Variants in SCAPER observed in about 807,000 individuals in gnomAD.
SCAPER encodes the protein S phase cyclin A-associated protein in the endoplasmic reticulum.
Under a neutral mutation model 182.2 loss-of-function variants are expected in SCAPER, and 98 were observed. The observed-to-expected ratio is 0.54, with a 90% confidence interval of 0.46 to 0.64. SCAPER has a LOEUF of 0.64. SCAPER is among the 30% of genes least tolerant of loss of function. SCAPER has a pLI of 0.00. For missense variants in SCAPER, 1,432 were observed against 1,690.0 expected (o/e 0.85, Z 2.68); for synonymous variants, 605 against 564.6 (o/e 1.07, Z -1.01).
chr15:76,827,016 C>CT (rs532924910), intron 5 of SCAPER, among the ~76,000 whole-genome samples: 115 of 152,008 alleles, frequency 7.6e-4, no homozygotes, highest in South Asian at 1.9e-3. Context: ...GATTTTCATT[C>CT]TTTTTTTTCT....
At chr15:76,615,556 C>T (rs977197780) in intron 22 of SCAPER, among the ~76,000 whole-genome samples, 2 of 151,348 alleles carry the variant, frequency 1.3e-5, no homozygotes, top group African/African-American at 2.4e-5. Flanking sequence ...CACGGTGGCT[C>T]ACACCTGTAA....
intron 26 of SCAPER, among the ~76,000 whole-genome samples, chr15:76,407,005 G>A (rs1357866449): frequency 1.3e-5 from 2 of 152,146 alleles, no homozygotes; most frequent in African/African-American, 2.4e-5. Context: ...TAACTCTGGG[G>A]GTGCTGGTAG....
chr15:76,787,016 T>C (rs991520550), intron 8 of SCAPER, among the ~76,000 whole-genome samples: 3 of 152,214 alleles, frequency 2.0e-5, no homozygotes, highest in Non-Finnish European at 2.9e-5. Context: ...TCCATGTTCA[T>C]AGGCTGCAAG....
intron 26 of SCAPER, among the ~76,000 whole-genome samples, chr15:76,425,451 C>A (rs774664321): frequency 2.6e-5 from 4 of 152,168 alleles, no homozygotes; most frequent in African/African-American, 4.8e-5. Flanking sequence ...TCTCGTGCCA[C>A]GGTTTTCAGC....
At chr15:76,792,346 G>A (rs2065054002) in intron 8 of SCAPER, among the ~76,000 whole-genome samples, 1 of 152,076 alleles carries the variant, frequency 6.6e-6, no homozygotes, top group Non-Finnish European at 1.5e-5. Flanking sequence ...CTATAATTGA[G>A]TGAGTCACTG....
At chr15:76,885,051 A>G (rs2073768288) in intron 1 of SCAPER, among the ~76,000 whole-genome samples, 1 of 152,204 alleles carries the variant, frequency 6.6e-6, no homozygotes, top group Non-Finnish European at 1.5e-5. Flanking sequence ...TAATAAGCAC[A>G]CGGTTTCTTT....
chr15:76,833,433 G>A (rs1040063277), intron 5 of SCAPER, among the ~76,000 whole-genome samples: 1 of 151,964 alleles, frequency 6.6e-6, no homozygotes, highest in East Asian at 1.9e-4. Flanking sequence ...CCACTGACAC[G>A]AAAAAGCAAC....
intron 25 of SCAPER, among the ~76,000 whole-genome samples, chr15:76,434,586 A>ATACATATAATACATATAAAAT (rs1418687106): frequency 6.6e-6 from 1 of 152,232 alleles, no homozygotes; most frequent in Non-Finnish European, 1.5e-5. Context: ...TTATTAAATG[A>ATACATATAATACATATAAAAT]GCTGATACAT....
chr15:76,770,595 C>T (rs547125974), intron 10 of SCAPER, among the ~76,000 whole-genome samples: 1 of 152,042 alleles, frequency 6.6e-6, no homozygotes, highest in African/African-American at 2.4e-5. Context: ...GGGTTTATGA[C>T]TCTGCAAGTT....
intron 16 of SCAPER, among the ~76,000 whole-genome samples, chr15:76,729,816 A>G (rs938962568): frequency 6.6e-6 from 1 of 152,192 alleles, no homozygotes; most frequent in Non-Finnish European, 1.5e-5. Context: ...AAGCCAGAAG[A>G]TAAATCATGA....
At chr15:76,694,860 T>C in intron 20 of SCAPER, among the ~76,000 whole-genome samples, 1 of 152,086 alleles carries the variant, frequency 6.6e-6, no homozygotes, top group Middle Eastern at 3.2e-3. Flanking sequence ...GACAAGCTAT[T>C]AATGTAACAT....
At chr15:76,510,540 A>G (rs2041937837) in intron 23 of SCAPER, among the ~76,000 whole-genome samples, 1 of 152,222 alleles carries the variant, frequency 6.6e-6, no homozygotes, top group Non-Finnish European at 1.5e-5. Context: ...CAAAACCACA[A>G]TGTGATACCA....
intron 24 of SCAPER, among the ~76,000 whole-genome samples, chr15:76,499,735 A>ACAGATCAACTTTAGGG (rs1381728999): frequency 1.3e-5 from 2 of 152,188 alleles, no homozygotes; most frequent in African/African-American, 4.8e-5. Context: ...CAAATGTTCT[A>ACAGATCAACTTTAGGG]CAGATCAACT....
At chr15:76,595,937 G>A (rs145422113) in intron 22 of SCAPER, among the ~76,000 whole-genome samples, 4 of 119,454 alleles carry the variant, frequency 3.3e-5, no homozygotes, top group African/African-American at 1.0e-4. Flanking sequence ...TCAAAAGCTA[G>A]CAGAAGAAAT....
intron 22 of SCAPER, among the ~76,000 whole-genome samples, chr15:76,591,040 C>T (rs767920533): frequency 8.6e-5 from 13 of 151,996 alleles, no homozygotes; most frequent in Non-Finnish European, 1.8e-4. Flanking sequence ...TAACTGCAGG[C>T]GAGGTGGTGA....
chr15:76,720,365 T>G (rs2060151204), intron 17 of SCAPER, among the ~76,000 whole-genome samples: 1 of 152,132 alleles, frequency 6.6e-6, no homozygotes, highest in Non-Finnish European at 1.5e-5. Context: ...TCTTTGCTAT[T>G]GTGGATAGTG....
chr15:76,809,133 T>A (rs900832672), intron 5 of SCAPER, among the ~76,000 whole-genome samples: 2 of 152,056 alleles, frequency 1.3e-5, no homozygotes, highest in Non-Finnish European at 2.9e-5. Flanking sequence ...AGCTGACAGG[T>A]AAGATCCATC....
chr15:76,749,061 A>T (rs1362453561), intron 15 of SCAPER, among the ~76,000 whole-genome samples: 1 of 152,114 alleles, frequency 6.6e-6, no homozygotes, highest in African/African-American at 2.4e-5. Context: ...ACATTACAAG[A>T]AAAGAAACTA....
At chr15:76,452,207 C>G (rs2048413145) in intron 25 of SCAPER, among the ~76,000 whole-genome samples, 1 of 152,184 alleles carries the variant, frequency 6.6e-6, no homozygotes, top group Non-Finnish European at 1.5e-5. Context: ...ACAGCAGTTA[C>G]CAAGTCTTGT....
Sources: allele counts gnomAD v4.1 joint callset (sites outside exome capture counted in the v4.1 genomes callset), GRCh38; gene constraint gnomAD v4.1.1; transcripts MANE v1.5; gene names NCBI Gene and HGNC (gene_info 2026-07-23, HGNC 2026-07-21).